The following FILIP1L variants were observed in gnomAD, a reference collection of about 807,000 sequenced individuals.
FILIP1L encodes the protein filamin A-interacting protein 1-like.
Under a neutral mutation model 96.6 loss-of-function variants are expected in FILIP1L, and 55 were observed. That is an observed-to-expected ratio of 0.57 (90% CI 0.46 to 0.71). FILIP1L has a LOEUF of 0.71. Ranked by LOEUF, FILIP1L falls within the 30% of genes least tolerant of loss-of-function variation. The pLI is 0.00. For missense variants in FILIP1L, 1,304 were observed against 1,321.2 expected, an observed-to-expected ratio of 0.99 and a Z score of 0.20; for synonymous variants, 467 against 473.9, an observed-to-expected ratio of 0.99 and a Z score of 0.19.
intron 1 of FILIP1L, among the ~76,000 whole-genome samples, chr3:100,015,470 G>A (rs1467363087): frequency 2.6e-5 from 4 of 152,092 alleles, no homozygotes; most frequent in Non-Finnish European, 1.5e-5. Context: ...AATTGCTGTG[G>A]GTGCTATGGA....
chr3:100,110,564 ATT>A (rs1273143331), intron 1 of FILIP1L, among the ~76,000 whole-genome samples: 1 of 152,200 alleles, frequency 6.6e-6, no homozygotes, highest in Non-Finnish European at 1.5e-5. Flanking sequence ...TGTACAGGAA[ATT>A]CCAGGAAGAA....
Position 100,074,789 on chromosome 3 carries a change from G to A in FILIP1L, c.-11+39264C>T, listed in dbSNP as rs191340947. On this transcript the variant is annotated intron_variant, in intron 1 of 5. Transcript: ENST00000477258. ...GCTCACTGCAACCTCTGCCTACTGG[G>A]TTCAAGCGATTCTCTTACCTCAGCT... Among the ~76,000 whole-genome samples the A allele has an allele frequency of 6.4e-5, 9 of 141,364 alleles. No homozygotes were observed. The East Asian group carries it at 2.0e-3, about 31-fold the overall frequency. 92.7% of individuals were successfully genotyped at this position (141,364 alleles called of 152,430 possible). A position where few individuals can be genotyped will look rare whatever the true frequency, so the allele number is the denominator to read the frequency against.
chr3:100,072,052 A>G (rs1439009656), intron 1 of FILIP1L, among the ~76,000 whole-genome samples: 1 of 152,234 alleles, frequency 6.6e-6, no homozygotes, highest in Non-Finnish European at 1.5e-5. Flanking sequence ...TAAAACTGTC[A>G]TCTTTGATGG....
At chr3:100,063,234 A>G (rs1008235732) in intron 1 of FILIP1L, among the ~76,000 whole-genome samples, 3 of 152,170 alleles carry the variant, frequency 2.0e-5, no homozygotes, top group South Asian at 4.1e-4. Flanking sequence ...CTTGTTCCCA[A>G]ATAAGCCCTG....
In FILIP1L at chr3:99,828,996, C is replaced by T. The variant is rs1942592755; in HGVS notation, c.*1418G>A. On this transcript the variant is annotated 3_prime_UTR_variant, in exon 6 of 6. Transcript: ENST00000477258. ...TCAATGCTGCCCAGGCCTCTAGCTC[C>T]TTCTCCTCCTTGAAATTGCAGGGGC... Among the ~76,000 whole-genome samples, 1 of 151,296 alleles carries T rather than the reference C, an allele frequency of 6.6e-6. No homozygotes were observed. The highest frequency in any genetic ancestry group is 2.5e-5 in the African/African-American group (1 of 40,750).
intron 5 of FILIP1L, among the ~76,000 whole-genome samples, chr3:99,846,434 C>G (rs1234750315): frequency 6.6e-6 from 1 of 152,184 alleles, no homozygotes; most frequent in Non-Finnish European, 1.5e-5. Flanking sequence ...TTATCATTGT[C>G]TGTTTTGAAA....
intron 4 of FILIP1L, chr3:99,876,173 CGAGCGGGGCGCT>C: frequency 1.0e-6 from 1 of 985,512 alleles, no homozygotes; most frequent in Non-Finnish European, 1.2e-6. Flanking sequence ...CCGAACAATG[CGAGCGGGGCGCT>C]GAGCGCGCCC....
At chr3:99,929,726 G>C in intron 3 of FILIP1L, 130 bp downstream of exon 3, 1 of 600,512 alleles carries the variant, frequency 1.7e-6, no homozygotes, top group East Asian at 3.1e-5. Context: ...GTATTTATCT[G>C]TTTTGTGTAG....
At chr3:99,989,232 A>G (rs1334023121) in intron 1 of FILIP1L, among the ~76,000 whole-genome samples, 1 of 152,124 alleles carries the variant, frequency 6.6e-6, no homozygotes, top group Non-Finnish European at 1.5e-5. Context: ...CACAAAGCCA[A>G]CCTCTGTTCT....
chr3:99,907,638 C>G (rs1706662492), intron 4 of FILIP1L, among the ~76,000 whole-genome samples: 1 of 152,182 alleles, frequency 6.6e-6, no homozygotes, highest in South Asian at 2.1e-4. Flanking sequence ...GTACTTAAGC[C>G]AAACCATATT....
chr3:99,953,764 T>C (rs1559701720), intron 1 of FILIP1L, among the ~76,000 whole-genome samples: 3 of 152,210 alleles, frequency 2.0e-5, no homozygotes, highest in Non-Finnish European at 4.4e-5. Context: ...CAGTCTATAC[T>C]GACAGAGAAC....
chr3:100,055,169 A>G (rs939190272), intron 1 of FILIP1L, among the ~76,000 whole-genome samples: 2 of 152,184 alleles, frequency 1.3e-5, no homozygotes, highest in Non-Finnish European at 2.9e-5. Context: ...CAGGTCTCCC[A>G]GTTCTCCTCG....
At chr3:100,010,080 G>T (rs982322160) in intron 1 of FILIP1L, 1 of 512,126 alleles carries the variant, frequency 2.0e-6, no homozygotes, top group Non-Finnish European at 2.5e-6. Context: ...ATTGAGGGTT[G>T]AGTACCATAC....
chr3:99,980,234 T>C (rs754367389), intron 1 of FILIP1L, among the ~76,000 whole-genome samples: 2 of 152,130 alleles, frequency 1.3e-5, no homozygotes, highest in Non-Finnish European at 2.9e-5. Context: ...TGGTGCCAAA[T>C]TGGCCTGGGT....
At chr3:100,019,041 A>T (rs1710427132) in intron 1 of FILIP1L, among the ~76,000 whole-genome samples, 1 of 152,226 alleles carries the variant, frequency 6.6e-6, no homozygotes, top group South Asian at 2.1e-4. Flanking sequence ...AAGATCAAAG[A>T]TAAGTGTTGG....
intron 1 of FILIP1L, among the ~76,000 whole-genome samples, chr3:100,021,960 T>TGTGAGAGAGAGA (rs1321185364): frequency 2.1e-5 from 2 of 93,332 alleles, no homozygotes; most frequent in African/African-American, 4.0e-5. Context: ...TGTGTGTGTG[T>TGTGAGAGAGAGA]GAGAGAGAGA....
At chr3:100,068,592 T>C (rs2065707346) in intron 1 of FILIP1L, among the ~76,000 whole-genome samples, 1 of 152,192 alleles carries the variant, frequency 6.6e-6, no homozygotes, top group Non-Finnish European at 1.5e-5. Flanking sequence ...TCAGTTTACT[T>C]TTCTAAAACA....
At chr3:99,838,690 T>A (rs1942997498) in intron 5 of FILIP1L, among the ~76,000 whole-genome samples, 1 of 152,154 alleles carries the variant, frequency 6.6e-6, no homozygotes, top group Non-Finnish European at 1.5e-5. Context: ...TCAGACCTGT[T>A]TTCACTCCTC....
chr3:99,872,287 G>A (rs1576535321), intron 4 of FILIP1L, among the ~76,000 whole-genome samples: 1 of 149,628 alleles, frequency 6.7e-6, no homozygotes, highest in South Asian at 2.1e-4. Flanking sequence ...GTGTGTGTGT[G>A]TGTGTGTGTG....
Sources: allele counts gnomAD v4.1 joint callset (sites outside exome capture counted in the v4.1 genomes callset), GRCh38; gene constraint gnomAD v4.1.1; transcripts MANE v1.5; gene names NCBI Gene and HGNC (gene_info 2026-07-23, HGNC 2026-07-21).